Variants in DOCK10 observed in about 807,000 individuals in gnomAD.
DOCK10 encodes dedicator of cytokinesis protein 10.
DOCK10 carries 145 observed loss-of-function variants against 280.1 expected under a neutral mutation model. The observed-to-expected ratio is 0.52, with a 90% confidence interval of 0.45 to 0.59. DOCK10 has a LOEUF of 0.59. Ranked by LOEUF, DOCK10 falls within the 20% of genes least tolerant of loss-of-function variation. The pLI is 0.00. For missense variants in DOCK10, 2,368 were observed against 2,651.7 expected (o/e 0.89, Z 2.35); for synonymous variants, 915 against 942.2 (o/e 0.97, Z 0.53).
At position 224,865,055 on chromosome 2, in the gene DOCK10, A is replaced by G; in HGVS notation, c.1290T>C (p.Tyr430=). 3 of 1,614,012 alleles carry G rather than the reference A, an allele frequency of 1.9e-6. No homozygotes were observed. The highest frequency in any genetic ancestry group is 2.5e-6 in the Non-Finnish European group (3 of 1,179,896). Residue 430 remains tyrosine (Y), a synonymous_variant, in exon 12 of 56, where the codon TAT becomes TAC. Transcript: ENST00000258390. ...IEPFFVSVAL[Y]DLRDSRKISA... ...AAATCTTCCTGCTGTCTCTGAGGTCATAAAGTGCCACACTCACAAAAAAAG... is the reference window on the plus strand; with the variant it reads ...AAATCTTCCTGCTGTCTCTGAGGTCGTAAAGTGCCACACTCACAAAAAAAG...
At chr2:224,830,468 C>T in intron 27 of DOCK10, 73 bp downstream of exon 27, 1 of 794,630 alleles carries the variant, frequency 1.3e-6, no homozygotes. Context: ...GAACTCATGA[C>T]AGCATAATCA....
intron 40 of DOCK10, 148 bp downstream of exon 40, chr2:224,801,768 A>G: frequency 1.2e-6 from 1 of 845,952 alleles, no homozygotes; most frequent in Non-Finnish European, 1.8e-6. Flanking sequence ...ATTTTTTTTT[A>G]ACCACTCCCT....
At chr2:224,941,843 C>CAAA (rs72072414) in intron 1 of DOCK10, among the ~76,000 whole-genome samples, 1 of 108,988 alleles carries the variant, frequency 9.2e-6, no homozygotes, top group African/African-American at 3.1e-5. Context: ...GCCTCCATCT[C>CAAA]AAAAAAAAAA....
At chr2:224,978,294 G>A (rs1477606687) in intron 1 of DOCK10, among the ~76,000 whole-genome samples, 1 of 152,162 alleles carries the variant, frequency 6.6e-6, no homozygotes, top group East Asian at 1.9e-4. Flanking sequence ...ATTAGCAGAT[G>A]TGGTGGCACG....
chr2:224,868,454 G>A (rs993146242), intron 11 of DOCK10, among the ~76,000 whole-genome samples: 5 of 152,116 alleles, frequency 3.3e-5, no homozygotes, highest in African/African-American at 1.2e-4. Context: ...TGCTACTTAA[G>A]TTTGAGTTGA....
chr2:224,862,778 G>C (rs1313421652), intron 13 of DOCK10, 32 bp from the exon 14 acceptor site: 2 of 1,338,008 alleles, frequency 1.5e-6, no homozygotes, highest in South Asian at 1.3e-5. Flanking sequence ...ATATTGTTTA[G>C]AATAGCACTT....
chr2:224,867,496 A>G (rs964435008), intron 11 of DOCK10, among the ~76,000 whole-genome samples: 11 of 151,914 alleles, frequency 7.2e-5, no homozygotes, highest in Admixed American at 5.9e-4. Context: ...TTTCCTCTTA[A>G]CCTCTTGCCC....
intron 47 of DOCK10, among the ~76,000 whole-genome samples, chr2:224,791,108 T>A (rs760166746): frequency 9.2e-5 from 14 of 152,226 alleles, no homozygotes; most frequent in Non-Finnish European, 2.1e-4. Flanking sequence ...TATTAAAGAT[T>A]CACACAACTT....
chr2:224,849,604 T>A lies in DOCK10; in HGVS notation c.2143-5A>T. 1 of 1,588,410 alleles carries A rather than the reference T, an allele frequency of 6.3e-7. No individual in the cohort carries two copies. The highest frequency in any genetic ancestry group is 8.6e-7 in the Non-Finnish European group (1 of 1,163,886). ...TCCAGGTTTTCCATAAATACACTGT[T>A]TGAAAAGTTATGAGTTGAACAATTA... On this transcript the variant is annotated splice_polypyrimidine_tract_variant and splice_region_variant and intron_variant, in intron 18 of 55. Coordinates refer to ENST00000258390, the MANE Select transcript of DOCK10 (RefSeq NM_014689.3).
At chr2:224,950,333 G>A (rs770871214) in intron 1 of DOCK10, among the ~76,000 whole-genome samples, 1 of 152,184 alleles carries the variant, frequency 6.6e-6, no homozygotes, top group Non-Finnish European at 1.5e-5. Context: ...CTGGATGCTG[G>A]TCTAAATTTT....
At chr2:224,826,437 A>G (rs568191610) in intron 27 of DOCK10, among the ~76,000 whole-genome samples, 2 of 152,272 alleles carry the variant, frequency 1.3e-5, no homozygotes, top group East Asian at 3.9e-4. Context: ...TAAACCAGAT[A>G]TCTCCCCTGA....
chr2:224,931,758 G>C (rs80094848), intron 1 of DOCK10, 90 bp from the exon 2 acceptor site: 20,854 of 1,414,764 alleles, frequency 0.015, 229 homozygotes, highest in Non-Finnish European at 0.016. Context: ...AGTTATCATT[G>C]AGGCTTTAAC....
chr2:224,826,428 A>G (rs1694855449), intron 27 of DOCK10, among the ~76,000 whole-genome samples: 1 of 152,176 alleles, frequency 6.6e-6, no homozygotes, highest in South Asian at 2.1e-4. Context: ...TTAGAGGACT[A>G]AACCAGATAT....
chr2:224,983,747 T>G (rs1705871877), intron 1 of DOCK10: 1 of 470,918 alleles, frequency 2.1e-6, no homozygotes, highest in Non-Finnish European at 4.4e-6. Flanking sequence ...CTTTTTCTTT[T>G]AAGAAGTACT....
At chr2:224,776,411 C>T (rs971732760) in intron 51 of DOCK10, among the ~76,000 whole-genome samples, 2 of 152,074 alleles carry the variant, frequency 1.3e-5, no homozygotes, top group Admixed American at 1.3e-4. Flanking sequence ...TGTTCTGATA[C>T]CAAATTTGGC....
chr2:224,804,122 A>G lies in DOCK10; in HGVS notation c.4258T>C (p.Leu1420=), dbSNP rs1293208679. Reference sequence around the variant, plus strand: ...CAAATGTGACATTACCATTGTGACAAGAGACCTGATGTCTGGCAGGAAGGA... The same window carrying G: ...CAAATGTGACATTACCATTGTGACAGGAGACCTGATGTCTGGCAGGAAGGA... The part of the protein sequence containing the change: ...SNPSCQTSGL[L]SQWMHSTSSH... The change falls in exon 39 of 56, where the codon TTG becomes CTG. Residue 1420 remains leucine (L), a synonymous_variant. Coordinates refer to ENST00000258390, the MANE Select transcript of DOCK10 (RefSeq NM_014689.3). The G allele has an allele frequency of 6.2e-7, 1 of 1,607,464 alleles. No individual in the cohort carries two copies. Among genetic ancestry groups the G allele is most frequent in the Non-Finnish European group, 8.5e-7 (1 of 1,174,580 alleles).
chr2:224,830,479 T>C, intron 27 of DOCK10, 62 bp downstream of exon 27: 1 of 870,996 alleles, frequency 1.1e-6, no homozygotes, highest in East Asian at 3.0e-5. Flanking sequence ...AGCATAATCA[T>C]TAGTGTAATT....
intron 45 of DOCK10, 37 bp from the exon 46 acceptor site, chr2:224,793,494 G>A (rs1374008667): frequency 6.4e-7 from 1 of 1,553,880 alleles, no homozygotes; most frequent in Non-Finnish European, 8.9e-7. Flanking sequence ...CTCAGGGGAT[G>A]GAGTTTAATA....
chr2:224,903,407 C>T (rs906009855), intron 3 of DOCK10, among the ~76,000 whole-genome samples: 5 of 152,200 alleles, frequency 3.3e-5, no homozygotes, highest in Non-Finnish European at 7.3e-5. Context: ...CTTTGAACTA[C>T]AGTAGCCTAA....
Sources: allele counts gnomAD v4.1 joint callset (sites outside exome capture counted in the v4.1 genomes callset), GRCh38; gene constraint gnomAD v4.1.1; transcripts MANE v1.5; gene names NCBI Gene and HGNC (gene_info 2026-07-23, HGNC 2026-07-21).